The following PLPPR1 variants were observed in gnomAD, a reference collection of about 807,000 sequenced individuals.
PLPPR1 encodes the protein phospholipid phosphatase-related protein type 1.
In PLPPR1, 10 loss-of-function variants were observed where a neutral mutation model predicts 33.1. That is an observed-to-expected ratio of 0.30 (90% CI 0.19 to 0.51). The LOEUF (loss-of-function observed/expected upper bound fraction) is 0.51. Ranked by LOEUF, PLPPR1 falls within the 20% of genes least tolerant of loss-of-function variation. The probability of loss-of-function intolerance (pLI) is 0.97; values close to 1 mark genes in which losing one functional copy is unlikely to be tolerated. For synonymous variants in PLPPR1, 151 were observed against 151.0 expected, an observed-to-expected ratio of 1.00 and a Z score of 0.00; for missense variants, 304 against 408.1, an observed-to-expected ratio of 0.74 and a Z score of 2.20.
chr9:101,255,371 C>G (rs1240894713), intron 2 of PLPPR1, among the ~76,000 whole-genome samples: 2 of 152,094 alleles, frequency 1.3e-5, no homozygotes, highest in Non-Finnish European at 2.9e-5. Flanking sequence ...GGATTGTTCC[C>G]TCTAGAAATT....
intron 1 of PLPPR1, among the ~76,000 whole-genome samples, chr9:101,172,045 A>G (rs903853751): frequency 2.0e-5 from 3 of 152,092 alleles, no homozygotes. Context: ...TTGGCATCAT[A>G]TAGAAATATA....
chr9:101,143,601 C>T (rs964690203), intron 1 of PLPPR1, among the ~76,000 whole-genome samples: 1 of 152,108 alleles, frequency 6.6e-6, no homozygotes, highest in African/African-American at 2.4e-5. Flanking sequence ...CAAACGACCC[C>T]ATCAAAAAGT....
chr9:101,033,746 T>C (rs994231076), intron 1 of PLPPR1, among the ~76,000 whole-genome samples: 2 of 152,198 alleles, frequency 1.3e-5, no homozygotes, highest in Non-Finnish European at 2.9e-5. Flanking sequence ...CTATGACTCC[T>C]ATTCCCACTT....
chr9:101,076,873 A>G (rs10989379), intron 1 of PLPPR1, among the ~76,000 whole-genome samples: 3,848 of 152,312 alleles, frequency 0.025, 81 homozygotes, highest in East Asian at 0.081. Context: ...GTTCTAGAAC[A>G]AGTCTTCTTC....
At chr9:101,189,909 G>A (rs2118725801) in intron 2 of PLPPR1, among the ~76,000 whole-genome samples, 1 of 152,178 alleles carries the variant, frequency 6.6e-6, no homozygotes, top group African/African-American at 2.4e-5. Flanking sequence ...TGATCCTCCT[G>A]TTGGTTGTGT....
intron 2 of PLPPR1, among the ~76,000 whole-genome samples, chr9:101,247,640 A>G (rs528341714): frequency 6.6e-6 from 1 of 152,074 alleles, no homozygotes; most frequent in Admixed American, 6.6e-5. Context: ...CCTTTCACCC[A>G]TTTACTAAAC....
At chr9:101,108,103 C>T (rs10989407) in intron 1 of PLPPR1, among the ~76,000 whole-genome samples, 4,481 of 146,898 alleles carry the variant, frequency 0.031, 135 homozygotes, top group East Asian at 0.08. Flanking sequence ...AGAAATCACC[C>T]GTCTTCTGCG....
chr9:101,052,993 G>T (rs1478042884), intron 1 of PLPPR1, among the ~76,000 whole-genome samples: 1 of 152,148 alleles, frequency 6.6e-6, no homozygotes, highest in Non-Finnish European at 1.5e-5. Context: ...GATCAGTCAG[G>T]TGAGAGTAAA....
At chr9:101,043,327 GTA>G (rs906009609) in intron 1 of PLPPR1, among the ~76,000 whole-genome samples, 7 of 150,830 alleles carry the variant, frequency 4.6e-5, no homozygotes, top group African/African-American at 7.3e-5. Context: ...ATACACACGT[GTA>G]TATATACACA....
intron 1 of PLPPR1, among the ~76,000 whole-genome samples, chr9:101,134,385 A>ATTT (rs34613253): frequency 1.4e-5 from 2 of 145,852 alleles, no homozygotes; most frequent in Admixed American, 6.8e-5. Flanking sequence ...TAAGAACAGG[A>ATTT]TTTTTTTTTT....
At chr9:101,182,614 C>T (rs966184731) in intron 1 of PLPPR1, among the ~76,000 whole-genome samples, 1 of 151,640 alleles carries the variant, frequency 6.6e-6, no homozygotes, top group Non-Finnish European at 1.5e-5. Flanking sequence ...TGTGAAGGTA[C>T]TCAATGTCAC....
intron 2 of PLPPR1, among the ~76,000 whole-genome samples, chr9:101,222,129 C>A (rs921647941): frequency 6.6e-6 from 1 of 152,170 alleles, no homozygotes; most frequent in African/African-American, 2.4e-5. Context: ...GCAGCTGGGG[C>A]AGCCCTGCAG....
rs1217843268 is a variant in PLPPR1, at chr9:101,028,738, C to G, written c.-410C>G. 6.6e-6 allele frequency: 1 copy of G among 152,668 alleles called. No homozygotes were observed. Among genetic ancestry groups the G allele is most frequent in the Non-Finnish European group, 1.5e-5 (1 of 68,496 alleles). The allele number at this position is 152,668 out of a possible 1,614,324, so 9.5% of individuals were successfully genotyped here. A position where few individuals can be genotyped will look rare whatever the true frequency, so the allele number is the denominator to read the frequency against. ...GCCCCCTCCGCGCCAGCCTTTTGCT[C>G]TTTCCTTTCATTAAACAAACAGGAG... On this transcript the variant is annotated 5_prime_UTR_variant, in exon 1 of 8. Coordinates refer to ENST00000374874, the MANE Select transcript of PLPPR1 (RefSeq NM_207299.2).
intron 2 of PLPPR1, among the ~76,000 whole-genome samples, chr9:101,227,245 A>G (rs1371990433): frequency 6.6e-6 from 1 of 152,020 alleles, no homozygotes; most frequent in Non-Finnish European, 1.5e-5. Context: ...TCAATGCCAT[A>G]CATACATTCA....
chr9:101,254,445 C>A (rs939822832), intron 2 of PLPPR1, among the ~76,000 whole-genome samples: 2 of 152,090 alleles, frequency 1.3e-5, no homozygotes, highest in African/African-American at 4.8e-5. Flanking sequence ...CAATGGGGAG[C>A]AGCTGTAAAT....
chr9:101,187,496 A>G (rs1826225071), intron 2 of PLPPR1: 1 of 151,944 alleles, frequency 6.6e-6, no homozygotes, highest in Non-Finnish European at 1.5e-5. Flanking sequence ...TGTTGTTCTT[A>G]TTTTGCATGG....
At chr9:101,108,323 T>C (rs1831004852) in intron 1 of PLPPR1, among the ~76,000 whole-genome samples, 1 of 152,122 alleles carries the variant, frequency 6.6e-6, no homozygotes, top group Non-Finnish European at 1.5e-5. Flanking sequence ...TGTCAGATAG[T>C]AAGCATCTTG....
chr9:101,219,820 G>A (rs553271180), intron 2 of PLPPR1, among the ~76,000 whole-genome samples: 1 of 152,280 alleles, frequency 6.6e-6, no homozygotes, highest in Admixed American at 6.5e-5. Flanking sequence ...CCTCAGCTGG[G>A]CTCTTAGAAC....
chr9:101,124,582 G>A (rs573843985), intron 1 of PLPPR1, among the ~76,000 whole-genome samples: 66 of 152,298 alleles, frequency 4.3e-4, no homozygotes, highest in African/African-American at 1.4e-3. Context: ...ATTTTTGGCT[G>A]TAGCCAGGAG....
Sources: allele counts gnomAD v4.1 joint callset (sites outside exome capture counted in the v4.1 genomes callset), GRCh38; gene constraint gnomAD v4.1.1; transcripts MANE v1.5; gene names NCBI Gene and HGNC (gene_info 2026-07-23, HGNC 2026-07-21).